The following ZDHHC14 variants were observed in gnomAD, a reference collection of about 807,000 sequenced individuals.
The protein encoded by ZDHHC14 is zDHHC palmitoyltransferase 14.
In ZDHHC14, 16 loss-of-function variants were observed where a neutral mutation model predicts 47.7. That is an observed-to-expected ratio of 0.34 (90% confidence interval 0.23 to 0.51). The LOEUF (loss-of-function observed/expected upper bound fraction) is 0.51, where lower values mean the gene tolerates loss of function less well. ZDHHC14 is among the 20% of genes least tolerant of loss of function. The pLI is 0.97. For missense variants in ZDHHC14, 515 were observed against 662.5 expected, an observed-to-expected ratio of 0.78 and a Z score of 2.44; for synonymous variants, 293 against 278.9, an observed-to-expected ratio of 1.05 and a Z score of -0.50.
chr6:157,635,689 C>G (rs553347766), intron 5 of ZDHHC14, among the ~76,000 whole-genome samples: 102 of 152,308 alleles, frequency 6.7e-4, no homozygotes, highest in Admixed American at 2.0e-3. Context: ...TCTGCAGAAC[C>G]AGGAACACGG....
chr6:157,600,010 T>A lies in ZDHHC14; in HGVS notation c.565+6864T>A, dbSNP rs546193273. 4.6e-5 allele frequency among the ~76,000 whole-genome samples: 7 copies of A among 152,298 alleles called. No homozygotes were observed. The East Asian group carries it at 1.3e-3, about 29-fold the overall frequency. On this transcript the variant is annotated intron_variant, in intron 3 of 8. Coordinates refer to ENST00000359775, the MANE Select transcript of ZDHHC14 (RefSeq NM_024630.3). ...GGAGTGAGTAGAAAACTGGAATTGA[T>A]TACTAGCCATGAAAAACTGAAAAGT...
intron 3 of ZDHHC14, among the ~76,000 whole-genome samples, chr6:157,609,329 C>T (rs1369147065): frequency 2.6e-5 from 4 of 152,178 alleles, no homozygotes; most frequent in Non-Finnish European, 4.4e-5. Flanking sequence ...CAGGAGAGGC[C>T]TTAGAAGGAG....
chr6:157,667,291 G>A (rs1778593303), intron 8 of ZDHHC14, among the ~76,000 whole-genome samples: 1 of 152,138 alleles, frequency 6.6e-6, no homozygotes, highest in African/African-American at 2.4e-5. Context: ...GCTTCTTGGT[G>A]TTAGCCGGGA....
chr6:157,443,891 A>T lies in ZDHHC14; in HGVS notation c.245+61625A>T, dbSNP rs181672409. Among the ~76,000 whole-genome samples the T allele has an allele frequency of 5.5e-4, 83 of 152,276 alleles. 1 individual carries two copies. The highest frequency in any genetic ancestry group is 5.0e-3 in the South Asian group (24 of 4,818). ...CCTTCTAGGGTTCTGCTTCAGATTA[A>T]ATGCCATAACCCAGATAACACACTT... On this transcript the variant is annotated intron_variant, in intron 1 of 8. Transcript: ENST00000359775.
chr6:157,647,523 G>C (rs1452545001), intron 7 of ZDHHC14, among the ~76,000 whole-genome samples, 155 bp downstream of exon 7: 1 of 152,234 alleles, frequency 6.6e-6, no homozygotes, highest in African/African-American at 2.4e-5. Context: ...TCGAGATCTG[G>C]CTGTTTGTCG....
At chr6:157,561,275 A>G (rs767769774) in intron 2 of ZDHHC14, among the ~76,000 whole-genome samples, 11 of 152,216 alleles carry the variant, frequency 7.2e-5, no homozygotes, top group Non-Finnish European at 1.5e-4. Context: ...CTCAGAGGCC[A>G]TGCTGAGTTT....
chr6:157,673,197 A>T lies in ZDHHC14; in HGVS notation c.*75A>T. On this transcript the variant is annotated 3_prime_UTR_variant, in exon 9 of 9. Coordinates refer to ENST00000359775, the MANE Select transcript of ZDHHC14 (RefSeq NM_024630.3). This position sits in a 1 kb window ranked among gnomAD's most constrained non-coding sequence, Gnocchi z 5.4. ...AGGAGTGAGCGGAGGGGTGTGTCCC[A>T]CAGCGACTTTCCCAGCCAATGCCAC... 6.8e-7 allele frequency: 1 copy of T among 1,460,578 alleles called. No individual in the cohort carries two copies. Among genetic ancestry groups the T allele is most frequent in the African/African-American group, 1.5e-5 (1 of 68,374 alleles). The allele number at this position is 1,460,578 out of a possible 1,614,324, so 90.5% of individuals were successfully genotyped here.
chr6:157,575,750 T>C (rs984203732), intron 2 of ZDHHC14, among the ~76,000 whole-genome samples: 4 of 152,224 alleles, frequency 2.6e-5, no homozygotes, highest in African/African-American at 9.6e-5. Context: ...TGTGCAGCAA[T>C]GCATTTTGTT....
intron 1 of ZDHHC14, among the ~76,000 whole-genome samples, chr6:157,517,208 C>T (rs560859151): frequency 3.3e-5 from 5 of 152,296 alleles, no homozygotes; most frequent in African/African-American, 1.2e-4. Context: ...CAACAGTTCT[C>T]CTAAAGCAGG....
intron 1 of ZDHHC14, among the ~76,000 whole-genome samples, chr6:157,501,072 A>G (rs1780182649): frequency 6.6e-6 from 1 of 152,210 alleles, no homozygotes; most frequent in Non-Finnish European, 1.5e-5. Context: ...CAGCACAGTT[A>G]ATGGTGAAAA....
chr6:157,383,704 TC>T (rs1399268353), intron 1 of ZDHHC14, among the ~76,000 whole-genome samples: 9 of 152,182 alleles, frequency 5.9e-5, no homozygotes, highest in African/African-American at 2.2e-4. Context: ...CTTCCCCATT[TC>T]CGATGGTATG....
chr6:157,599,903 A>G (rs958868819), intron 3 of ZDHHC14, among the ~76,000 whole-genome samples: 40 of 152,332 alleles, frequency 2.6e-4, no homozygotes, highest in African/African-American at 9.1e-4. Context: ...TGAGAAATAT[A>G]TTATTTTGCC....
chr6:157,505,413 A>G (rs1039040413), intron 1 of ZDHHC14, among the ~76,000 whole-genome samples: 1 of 152,228 alleles, frequency 6.6e-6, no homozygotes, highest in African/African-American at 2.4e-5. Context: ...GAGGACCTAG[A>G]ATATAACTAA....
chr6:157,532,558 C>A (rs1781402233), intron 1 of ZDHHC14, among the ~76,000 whole-genome samples: 5 of 152,138 alleles, frequency 3.3e-5, no homozygotes, highest in Admixed American at 3.3e-4. Context: ...GGGAGTTGGG[C>A]CCTATATGTG....
At chr6:157,667,361 T>C (rs1778597764) in intron 8 of ZDHHC14, among the ~76,000 whole-genome samples, 1 of 152,042 alleles carries the variant, frequency 6.6e-6, no homozygotes. Context: ...CTCCCTCTAC[T>C]GGTGGAAGGT....
intron 8 of ZDHHC14, among the ~76,000 whole-genome samples, chr6:157,661,894 G>C (rs1778357242): frequency 6.6e-6 from 1 of 152,074 alleles, no homozygotes; most frequent in Non-Finnish European, 1.5e-5. Flanking sequence ...TGCAATCTTA[G>C]CTCACTGCCA....
chr6:157,461,466 C>T (rs1370885841), intron 1 of ZDHHC14, among the ~76,000 whole-genome samples: 6 of 152,158 alleles, frequency 3.9e-5, no homozygotes, highest in African/African-American at 1.4e-4. Context: ...CTTTCCTGAA[C>T]GCATTGTACG....
intron 7 of ZDHHC14, among the ~76,000 whole-genome samples, chr6:157,651,058 G>A (rs1777811160): frequency 6.6e-6 from 1 of 152,258 alleles, no homozygotes; most frequent in South Asian, 2.1e-4. Flanking sequence ...CTCTCTGTGG[G>A]GCTCCCTCTG....
At chr6:157,574,985 G>A (rs949938114) in intron 2 of ZDHHC14, among the ~76,000 whole-genome samples, 1 of 152,198 alleles carries the variant, frequency 6.6e-6, no homozygotes, top group East Asian at 1.9e-4. Context: ...GGGAAGAGGC[G>A]GGTTTATTTT....
Sources: gnomAD v4.1 joint callset for allele counts (sites outside exome capture counted in the v4.1 genomes callset) on GRCh38, gnomAD v4.1.1 for gene constraint, Gnocchi (gnomAD v3.1) non-coding constraint, MANE v1.5 for transcripts, NCBI Gene and HGNC (gene_info 2026-07-23, HGNC 2026-07-21) for gene names.